DCDC1: variants seen among roughly 807,000 people sequenced by gnomAD.
DCDC1 encodes doublecortin domain containing 1, also known as doublecortin domain-containing protein 1.
Under a neutral mutation model 178.3 loss-of-function variants are expected in DCDC1, and 200 were observed. The observed-to-expected ratio is 1.12, with a 90% CI of 1.00 to 1.26. The LOEUF is 1.26. DCDC1 is among the 50% of genes most tolerant of loss of function. DCDC1 has a pLI of 0.00. For missense variants in DCDC1, 1,983 were observed against 1,749.2 expected, an observed-to-expected ratio of 1.13 and a Z score of -2.38; for synonymous variants, 690 against 604.8, an observed-to-expected ratio of 1.14 and a Z score of -2.07.
chr11:30,895,751 G>A (rs937515353), intron 34 of DCDC1, among the ~76,000 whole-genome samples: 1 of 152,110 alleles, frequency 6.6e-6, no homozygotes, highest in Non-Finnish European at 1.5e-5. Flanking sequence ...ATTAAGCAAT[G>A]CACTTTGGAG....
intron 1 of DCDC1, among the ~76,000 whole-genome samples, chr11:31,359,268 G>C (rs112584831): frequency 6.8e-6 from 1 of 146,756 alleles, no homozygotes; most frequent in Non-Finnish European, 1.5e-5. Context: ...AAAATGATGA[G>C]TTCACGTCCT....
chr11:31,312,354 C>T (rs1423372846), intron 3 of DCDC1, among the ~76,000 whole-genome samples: 4 of 152,082 alleles, frequency 2.6e-5, no homozygotes, highest in Non-Finnish European at 4.4e-5. Context: ...ATGAGTAAAC[C>T]AAGGGCTTAC....
intron 20 of DCDC1, among the ~76,000 whole-genome samples, chr11:31,059,123 C>CA (rs1375021922): frequency 6.6e-6 from 1 of 151,906 alleles, no homozygotes; most frequent in Non-Finnish European, 1.5e-5. Context: ...CAAACAAAAA[C>CA]AAAAAATAAT....
intron 17 of DCDC1, among the ~76,000 whole-genome samples, chr11:31,078,574 G>A (rs1003423710): frequency 9.2e-5 from 14 of 152,154 alleles, no homozygotes; most frequent in Admixed American, 3.3e-4. Context: ...AACATCAAAG[G>A]TTGAGTATAA....
rs1428004430 is a variant in DCDC1, at chr11:31,148,224, A to C, written c.1222-10440T>G. 5.3e-5 allele frequency among the ~76,000 whole-genome samples: 8 copies of C among 150,952 alleles called. No individual in the cohort carries two copies. The South Asian group carries it at 6.2e-4, about 12-fold the overall frequency. On this transcript the variant is annotated intron_variant, in intron 9 of 38. Coordinates refer to ENST00000684477, the MANE Select transcript of DCDC1 (RefSeq NM_001387274.1). ...ATTTATTATTATAAAAAAAAAAAAAAAAAAAAAAAACAGGAAAGGAAAAAG... is the reference window on the plus strand; with the variant it reads ...ATTTATTATTATAAAAAAAAAAAAACAAAAAAAAAACAGGAAAGGAAAAAG...
chr11:31,344,777 A>G (rs572898716), intron 1 of DCDC1, among the ~76,000 whole-genome samples: 2 of 152,354 alleles, frequency 1.3e-5, no homozygotes, highest in South Asian at 4.1e-4. Flanking sequence ...GCACTTTAAA[A>G]GAATACATCT....
rs201970490 is a variant in DCDC1, at chr11:31,290,634, A to G, written c.960+13T>C. On this transcript the variant is annotated intron_variant, in intron 7 of 38. Coordinates refer to ENST00000684477, the MANE Select transcript of DCDC1 (RefSeq NM_001387274.1). ...AAATTAAATTCATAGTTCAATATTT[A>G]ATTAAAAATTACCTTTTTCATTGTT... 4.9e-5 allele frequency: 78 copies of G among 1,593,530 alleles called. 1 individual carries two copies. The East Asian group carries it at 1.7e-3, about 34-fold the overall frequency.
At chr11:30,883,393 C>T (rs1271879757) in intron 36 of DCDC1, 1 of 380,682 alleles carries the variant, frequency 2.6e-6, no homozygotes, top group East Asian at 9.0e-5. Context: ...AGATATTAAA[C>T]CTATACATTA....
At chr11:31,194,561 TTTAG>T (rs1354446150) in intron 9 of DCDC1, among the ~76,000 whole-genome samples, 1 of 152,114 alleles carries the variant, frequency 6.6e-6, no homozygotes, top group East Asian at 1.9e-4. Flanking sequence ...AACTCTACTT[TTTAG>T]TTAATTTTAT....
intron 8 of DCDC1, among the ~76,000 whole-genome samples, chr11:31,255,351 T>A (rs1197824082): frequency 2.0e-5 from 3 of 152,140 alleles, no homozygotes; most frequent in African/African-American, 7.2e-5. Context: ...TAATTCTGTG[T>A]TTTTCTCTTG....
At chr11:30,998,468 G>T (rs1033514222) in intron 20 of DCDC1, among the ~76,000 whole-genome samples, 1 of 152,060 alleles carries the variant, frequency 6.6e-6, no homozygotes, top group African/African-American at 2.4e-5. Context: ...ATATCCATCA[G>T]TCCATATAAA....
At chr11:31,292,214 A>G (rs2761588) in intron 6 of DCDC1, among the ~76,000 whole-genome samples, 44,708 of 152,048 alleles carry the variant, frequency 0.29, 7,968 homozygotes, top group Non-Finnish European at 0.39. Context: ...TGAAATTAAT[A>G]GGAATTAGAA....
In DCDC1 at chr11:30,894,261, A is replaced by T; in HGVS notation, c.4889T>A (p.Ile1630Lys). 1 of 1,613,808 alleles carries T rather than the reference A, an allele frequency of 6.2e-7. No homozygotes were observed. The highest frequency in any genetic ancestry group is 8.5e-7 in the Non-Finnish European group (1 of 1,179,806). ...CAAAGAACATACCTCTGTATGTCTT[A>T]TAAGTTCCATGAGTTTAATTTCCTG... ...TQQEIKLMEL[I>K]RHTEAHLSEI... is the part of the protein sequence containing the mutation. Residue 1630 changes from isoleucine to lysine, a missense_variant, in exon 35 of 39, where the codon ATA becomes AAA. By Grantham distance (102) the Ile-to-Lys change is moderately radical. Transcript: ENST00000684477.
At chr11:30,873,919 G>A (rs1199858262) in intron 38 of DCDC1, among the ~76,000 whole-genome samples, 1 of 152,118 alleles carries the variant, frequency 6.6e-6, no homozygotes, top group African/African-American at 2.4e-5. Context: ...AACATGGAAA[G>A]CTTCAGCACC....
intron 9 of DCDC1, among the ~76,000 whole-genome samples, chr11:31,139,393 C>A (rs1963548279): frequency 6.6e-6 from 1 of 152,098 alleles, no homozygotes; most frequent in Non-Finnish European, 1.5e-5. Flanking sequence ...AAATATCAAG[C>A]TCAACTTCCA....
intron 9 of DCDC1, among the ~76,000 whole-genome samples, chr11:31,197,775 T>C (rs1970854915): frequency 6.6e-6 from 1 of 152,054 alleles, no homozygotes; most frequent in African/African-American, 2.4e-5. Context: ...TCTTCCAAAA[T>C]CTATATTGCT....
rs1942348836 is a variant in DCDC1, at chr11:30,878,519, C to T, written c.*40+25G>A. 5 of 1,462,954 alleles carry T rather than the reference C, an allele frequency of 3.4e-6. No individual in the cohort carries two copies. The East Asian group carries it at 1.3e-4, about 38-fold the overall frequency. 90.6% of individuals were successfully genotyped at this position (1,462,954 alleles called of 1,614,324 possible). ...TAAATAATCATAATGTCATAACAAA[C>T]ATGAGTATGTGCACATAGCTATACC... On this transcript the variant is annotated intron_variant, in intron 38 of 38. Coordinates refer to ENST00000684477, the MANE Select transcript of DCDC1 (RefSeq NM_001387274.1).
chr11:30,900,313 T>C, intron 33 of DCDC1, 33 bp downstream of exon 33: 1 of 1,484,762 alleles, frequency 6.7e-7, no homozygotes, highest in South Asian at 1.4e-5. Context: ...CTTCATATAC[T>C]TGCTTGAAAG....
chr11:30,992,479 T>C (rs945402415), intron 20 of DCDC1: 26 of 152,192 alleles, frequency 1.7e-4, no homozygotes, highest in Admixed American at 1.7e-3. Context: ...ATATTCAAGC[T>C]TTCCAGGCCA....
Sources: gnomAD v4.1 joint callset for allele counts (sites outside exome capture counted in the v4.1 genomes callset) on GRCh38, gnomAD v4.1.1 for gene constraint, MANE v1.5 for transcripts, NCBI Gene and HGNC (gene_info 2026-07-23, HGNC 2026-07-21) for gene names.